Variants in BIRC6 observed in about 807,000 individuals in gnomAD.
BIRC6 encodes dual E2 ubiquitin-conjugating enzyme/E3 ubiquitin-protein ligase BIRC6.
BIRC6 carries 98 observed loss-of-function variants against 503.3 expected under a neutral mutation model. That is an observed-to-expected ratio of 0.19 (90% CI 0.17 to 0.23). The LOEUF (loss-of-function observed/expected upper bound fraction) is 0.23, where lower values mean the gene tolerates loss of function less well. BIRC6 is among the 10% of genes least tolerant of loss of function. The probability of loss-of-function intolerance (pLI) is 1.00; values close to 1 mark genes in which losing one functional copy is unlikely to be tolerated. For synonymous variants in BIRC6, 2,240 were observed against 2,078.7 expected (o/e 1.08, Z -2.11); for missense variants, 5,360 against 5,806.0 (o/e 0.92, Z 2.50).
chr2:32,577,151 A>C lies in BIRC6; in HGVS notation c.13355+1785A>C, dbSNP rs542563290. Among the ~76,000 whole-genome samples, 4 of 152,234 alleles carry C rather than the reference A, an allele frequency of 2.6e-5. No homozygotes were observed. In the East Asian group the frequency reaches 5.8e-4, roughly 22 times the overall value. ...GCTAATGCCTCCTTGAGAAGTGTCT[A>C]CTAAAACATCTTATTCCCTTCCCTG... On this transcript the variant is annotated intron_variant, in intron 66 of 73. Transcript: ENST00000421745.
In BIRC6 at chr2:32,388,781, A is replaced by C. The variant is rs1481937485; in HGVS notation, c.677A>C (p.His226Pro). 1 of 1,607,682 alleles carries C rather than the reference A, an allele frequency of 6.2e-7. No individual in the cohort carries two copies. The highest frequency in any genetic ancestry group is 8.5e-7 in the Non-Finnish European group (1 of 1,177,688). ...WATVTFHLPH[H>P]VLKSIASAIV... The stretch of plus-strand genomic sequence containing the variant: ...ACAGTTACATTTCATCTTCCTCATC[A>C]TGTGTTGAAGTCCATTGCCAGTGCC... The change falls in exon 4 of 74, where the codon CAT (histidine) becomes CCT (proline). Residue 226 changes from histidine (H) to proline (P), a missense_variant. Physicochemically the swap from His to Pro is moderately conservative, Grantham distance 77. Around this residue, in one of 16 missense-constraint regions of BIRC6, gnomAD observed 134 missense variants for 150.9 expected, o/e 0.89. Coordinates refer to ENST00000421745, the MANE Select transcript of BIRC6 (RefSeq NM_016252.4).
At chr2:32,533,548 G>A (rs1228775315) in intron 61 of BIRC6, among the ~76,000 whole-genome samples, 2 of 152,190 alleles carry the variant, frequency 1.3e-5, no homozygotes, top group African/African-American at 4.8e-5. Context: ...ATGCTCCAAA[G>A]TATAAGCCAA....
chr2:32,388,394 A>AG (rs2038783545), intron 3 of BIRC6, among the ~76,000 whole-genome samples: 1 of 151,938 alleles, frequency 6.6e-6, no homozygotes, highest in African/African-American at 2.4e-5. Context: ...AAAAAAAAAA[A>AG]AAAGAAATAT....
At chr2:32,405,382 CAG>C (rs1345658774) in intron 8 of BIRC6, among the ~76,000 whole-genome samples, 2 of 152,128 alleles carry the variant, frequency 1.3e-5, no homozygotes, top group Non-Finnish European at 2.9e-5. Context: ...AAAACTAAAA[CAG>C]AGAAACTTTT....
At chr2:32,580,794 A>G (rs1374215113) in intron 66 of BIRC6, among the ~76,000 whole-genome samples, 1 of 152,110 alleles carries the variant, frequency 6.6e-6, no homozygotes, top group Non-Finnish European at 1.5e-5. Flanking sequence ...AGATTTTGGT[A>G]CTCATCAGCA....
intron 21 of BIRC6, among the ~76,000 whole-genome samples, chr2:32,447,898 G>A (rs368354904): frequency 0.053 from 19 of 356 alleles, 5 homozygotes; most frequent in Non-Finnish European, 0.12. Flanking sequence ...CTTCCCAGAC[G>A]GGGTGGCTGC....
At position 32,503,171 on chromosome 2, in the gene BIRC6, T is replaced by G; in HGVS notation, c.9434T>G (p.Leu3145Trp). 1 of 1,613,186 alleles carries G rather than the reference T, an allele frequency of 6.2e-7. No individual in the cohort carries two copies. The highest frequency in any genetic ancestry group is 8.5e-7 in the Non-Finnish European group (1 of 1,179,596). The change falls in exon 49 of 74, where the codon TTG becomes TGG. Residue 3145 changes from leucine to tryptophan, a missense_variant. Physicochemically the swap from Leu to Trp is moderately conservative, Grantham distance 61. This residue lies in a region of BIRC6 where 267 missense variants were observed against 287.6 expected (regional missense o/e 0.93). Coordinates refer to ENST00000421745, the MANE Select transcript of BIRC6 (RefSeq NM_016252.4). ...SGPNKAVDST[L>W]KTRILASEPD... is the part of the protein sequence containing the mutation. ...CCAAATAAAGCTGTTGACAGCACAT[T>G]GAAAACAAGAATACTAGCTTCTGAG...
chr2:32,598,840 T>A lies in BIRC6; in HGVS notation c.13830+872T>A, dbSNP rs2061850255. 2.6e-5 allele frequency among the ~76,000 whole-genome samples: 4 copies of A among 151,712 alleles called. No individual in the cohort carries two copies. The South Asian group carries it at 8.3e-4, about 32-fold the overall frequency. ...GAGTTCCAGACCAGCCTGGCCAACATGGTGAAACCCCGTCTCTACTAAAAA... is the reference window on the plus strand; with the variant it reads ...GAGTTCCAGACCAGCCTGGCCAACAAGGTGAAACCCCGTCTCTACTAAAAA... On this transcript the variant is annotated intron_variant, in intron 69 of 73. Transcript: ENST00000421745.
chr2:32,406,264 C>T (rs956911265), intron 8 of BIRC6, among the ~76,000 whole-genome samples: 2 of 152,042 alleles, frequency 1.3e-5, no homozygotes, highest in African/African-American at 2.4e-5. Flanking sequence ...GGCATGGTGG[C>T]GTGTGCCTGT....
intron 52 of BIRC6, among the ~76,000 whole-genome samples, chr2:32,510,239 C>T (rs1165653913): frequency 3.9e-5 from 6 of 152,084 alleles, no homozygotes; most frequent in African/African-American, 1.4e-4. Context: ...CCACCACACC[C>T]GGCTAATTTT....
At chr2:32,441,570 T>A in intron 17 of BIRC6, 108 bp downstream of exon 17, 1 of 1,038,106 alleles carries the variant, frequency 9.6e-7, no homozygotes, top group East Asian at 2.5e-5. Context: ...AAATTTTTTT[T>A]GTCCATTTTT....
At chr2:32,617,345 G>A (rs2063314204) in intron 73 of BIRC6, among the ~76,000 whole-genome samples, 1 of 152,174 alleles carries the variant, frequency 6.6e-6, no homozygotes, top group Admixed American at 6.5e-5. Context: ...AGGTTGCAAT[G>A]AGCTGAGATC....
chr2:32,462,144 T>TTA (rs957599662), intron 23 of BIRC6, among the ~76,000 whole-genome samples: 1 of 152,166 alleles, frequency 6.6e-6, no homozygotes, highest in Non-Finnish European at 1.5e-5. Context: ...CAATGCCACA[T>TTA]GGTAATGCAT....
At chr2:32,457,135 C>G (rs1440326496) in intron 23 of BIRC6, among the ~76,000 whole-genome samples, 3 of 152,154 alleles carry the variant, frequency 2.0e-5, no homozygotes, top group Non-Finnish European at 4.4e-5. Flanking sequence ...TAACACCAGC[C>G]TTCTTTGGCT....
At chr2:32,446,540 G>A (rs1231720355) in intron 21 of BIRC6, among the ~76,000 whole-genome samples, 2 of 152,076 alleles carry the variant, frequency 1.3e-5, no homozygotes, top group Non-Finnish European at 1.5e-5. Flanking sequence ...ATGTCGTAAT[G>A]ATTCACGGGA....
Position 32,415,988 on chromosome 2 carries a change from T to C in BIRC6, c.2697T>C (p.Thr899=). Residue 899 remains threonine, a synonymous_variant, in exon 10 of 74, where the codon ACT becomes ACC. Transcript: ENST00000421745. ...FEREKTSDIS[T]LGHLVITTQG... is the part of the protein sequence containing the mutation. ...GAGAAAAAACGTCTGACATTTCTAC[T>C]CTTGGACACCTGGTAATAACCACTC... 3 of 1,613,944 alleles carry C rather than the reference T, an allele frequency of 1.9e-6. No individual in the cohort carries two copies. Among genetic ancestry groups the C allele is most frequent in the Non-Finnish European group, 2.5e-6 (3 of 1,179,858 alleles).
intron 65 of BIRC6, among the ~76,000 whole-genome samples, chr2:32,568,735 T>C (rs2059709834): frequency 6.6e-6 from 1 of 151,798 alleles, no homozygotes; most frequent in East Asian, 2.0e-4. Context: ...TCCCAGCCAC[T>C]TGGGAGGCTG....
At chr2:32,397,610 A>C (rs368527075) in intron 6 of BIRC6, among the ~76,000 whole-genome samples, 1 of 127,084 alleles carries the variant, frequency 7.9e-6, no homozygotes, top group Non-Finnish European at 1.7e-5. Context: ...GTGTGTATAT[A>C]TGTGTGTATA....
At position 32,441,561 on chromosome 2, in the gene BIRC6, A is replaced by C. The variant is rs1014848252; in HGVS notation, c.3944+99A>C. ...ACAAATAAAAAATCTTTTACCTGAAAATTTTTTTTGTCCATTTTTCTTAAA... is the reference window on the plus strand; with the variant it reads ...ACAAATAAAAAATCTTTTACCTGAACATTTTTTTTGTCCATTTTTCTTAAA... On this transcript the variant is annotated intron_variant, in intron 17 of 73. Coordinates refer to ENST00000421745, the MANE Select transcript of BIRC6 (RefSeq NM_016252.4). The C allele has an allele frequency of 3.2e-5, 38 of 1,180,744 alleles. No homozygotes were observed. The East Asian group carries it at 9.4e-4, about 29-fold the overall frequency. 73.1% of individuals were successfully genotyped at this position (1,180,744 alleles called of 1,614,324 possible). A position where few individuals can be genotyped will look rare whatever the true frequency, so the allele number is the denominator to read the frequency against.
Sources: gnomAD v4.1 joint callset for allele counts (sites outside exome capture counted in the v4.1 genomes callset) on GRCh38, gnomAD v4.1.1 for gene constraint, gnomAD v4.1.1 regional missense constraint, MANE v1.5 for transcripts, NCBI Gene and HGNC (gene_info 2026-07-23, HGNC 2026-07-21) for gene names.